Variants in OR2AT4 observed in about 807,000 individuals in gnomAD.
OR2AT4 encodes olfactory receptor family 2 subfamily AT member 4.
Under a neutral mutation model 10.3 loss-of-function variants are expected in OR2AT4, and 6 were observed. That is an observed-to-expected ratio of 0.58 (90% CI 0.32 to 1.15). OR2AT4 has a LOEUF of 1.15. OR2AT4 is among the 50% of genes most tolerant of loss of function. The pLI is 0.05. For synonymous variants in OR2AT4, 145 were observed against 159.1 expected, an observed-to-expected ratio of 0.91 and a Z score of 0.67; for missense variants, 354 against 393.8, an observed-to-expected ratio of 0.90 and a Z score of 0.85.
At chr11:75,086,250 G>C (rs1949290415) in exon 2 of OR2AT4, 1 of 152,040 alleles carries the variant, frequency 6.6e-6, no homozygotes, top group African/African-American at 2.4e-5. Context: ...TTTCTATAGG[G>C]CAAAATCTGC....
intron 1 of OR2AT4, among the ~76,000 whole-genome samples, chr11:75,091,484 C>A (rs1395886198): frequency 1.3e-5 from 2 of 152,034 alleles, no homozygotes; most frequent in Admixed American, 1.3e-4. Context: ...AAGAACCAAG[C>A]AAATATTCTA....
At chr11:75,088,745 T>C (rs766942208) in exon 2 of OR2AT4, 4 of 1,546,364 alleles carry the variant, frequency 2.6e-6, no homozygotes, top group Non-Finnish European at 3.5e-6. Flanking sequence ...TAGCTGCATT[T>C]AAAGGTCAAA....
At chr11:75,095,272 AGC>A (rs1307460340) in intron 1 of OR2AT4, among the ~76,000 whole-genome samples, 1 of 152,218 alleles carries the variant, frequency 6.6e-6, no homozygotes. Flanking sequence ...TGCTATTCAA[AGC>A]CTGTCTTCTT....
At chr11:75,083,192 TAATTC>T (rs1949274069) in exon 2 of OR2AT4, 2 of 152,198 alleles carry the variant, frequency 1.3e-5, no homozygotes, top group South Asian at 4.2e-4. Flanking sequence ...ATAAGGAACT[TAATTC>T]AATAAGCAAA....
chr11:75,088,352 T>C (rs1392095934), exon 2 of OR2AT4: 1 of 154,496 alleles, frequency 6.5e-6, no homozygotes, highest in Non-Finnish European at 1.4e-5. Flanking sequence ...AAAATAACAT[T>C]TCAGCACAAT....
exon 2 of OR2AT4, chr11:75,083,562 T>C (rs1436780529): frequency 6.6e-6 from 1 of 152,092 alleles, no homozygotes; most frequent in Non-Finnish European, 1.5e-5. Flanking sequence ...CAAAAGAAAA[T>C]ACGTTATTCT....
At chr11:75,088,144 T>C (rs1949298891) in exon 2 of OR2AT4, 1 of 152,206 alleles carries the variant, frequency 6.6e-6, no homozygotes, top group South Asian at 2.1e-4. Context: ...AATGAATGAT[T>C]GATGGTGACT....
chr11:75,088,823 C>T (rs768473915), exon 2 of OR2AT4: 2 of 1,607,474 alleles, frequency 1.2e-6, no homozygotes, highest in South Asian at 2.2e-5. Context: ...CCCTGTTTCT[C>T]AGCGTGTAAA....
chr11:75,088,908 G>A, exon 2 of OR2AT4: 1 of 1,614,118 alleles, frequency 6.2e-7, no homozygotes, highest in East Asian at 2.2e-5. Flanking sequence ...GGGCAGGTCA[G>A]CCCTGTAGGC....
At chr11:75,085,728 T>C (rs909704654) in exon 2 of OR2AT4, 1 of 152,028 alleles carries the variant, frequency 6.6e-6, no homozygotes. Flanking sequence ...AATGGAGAGA[T>C]ATATTATATT....
exon 2 of OR2AT4, chr11:75,089,830 G>A (rs1949313698): frequency 9.5e-7 from 1 of 1,048,670 alleles, no homozygotes; most frequent in Non-Finnish European, 1.4e-6. Flanking sequence ...TGTTTACTCT[G>A]TAGGTAATAT....
chr11:75,087,865 G>A (rs1464420721), exon 2 of OR2AT4: 1 of 152,016 alleles, frequency 6.6e-6, no homozygotes, highest in African/African-American at 2.4e-5. Context: ...CTTCCATTCT[G>A]GTCCTCTCCT....
exon 2 of OR2AT4, chr11:75,082,042 C>G (rs936216080): frequency 1.3e-5 from 2 of 152,066 alleles, no homozygotes; most frequent in Non-Finnish European, 2.9e-5. Context: ...CTTAAATTCA[C>G]ATGGAACCAA....
chr11:75,088,918 C>T (rs990642103), exon 2 of OR2AT4: 6 of 1,613,966 alleles, frequency 3.7e-6, no homozygotes, highest in Non-Finnish European at 3.4e-6. Context: ...GCCCTGTAGG[C>T]CACGTAGGCT....
chr11:75,090,285 C>T (rs1406442027), exon 2 of OR2AT4: 1 of 153,074 alleles, frequency 6.5e-6, no homozygotes, highest in African/African-American at 2.4e-5. Context: ...TGCTCACACT[C>T]TTATTAAGTT....
exon 2 of OR2AT4, chr11:75,083,186 G>A (rs183434121): frequency 6.7e-4 from 102 of 152,176 alleles, no homozygotes; most frequent in African/African-American, 2.4e-3. Context: ...GAATCTATAA[G>A]GAACTTAATT....
chr11:75,082,782 G>A (rs551826019), exon 2 of OR2AT4: 2 of 152,232 alleles, frequency 1.3e-5, no homozygotes, highest in East Asian at 1.9e-4. Flanking sequence ...TACAGAATGG[G>A]AGAAAATATT....
chr11:75,088,762 T>C (rs761602520), exon 2 of OR2AT4: 3 of 1,557,462 alleles, frequency 1.9e-6, no homozygotes, highest in Non-Finnish European at 2.6e-6. Flanking sequence ...CAAATGCTCC[T>C]GTCACAGCCT....
At chr11:75,093,419 C>T (rs1254724297) in intron 1 of OR2AT4, among the ~76,000 whole-genome samples, 2 of 152,214 alleles carry the variant, frequency 1.3e-5, no homozygotes, top group Non-Finnish European at 2.9e-5. Flanking sequence ...GAGAACAAGT[C>T]GTCTTGTGAC....
Sources: allele counts gnomAD v4.1 joint callset (sites outside exome capture counted in the v4.1 genomes callset), GRCh38; gene constraint gnomAD v4.1.1; transcripts MANE v1.5; gene names NCBI Gene and HGNC (gene_info 2026-07-23, HGNC 2026-07-21).